The following CAND2 variants were observed in gnomAD, a reference collection of about 807,000 sequenced individuals.
CAND2 encodes cullin associated and neddylation dissociated 2 (putative).
Under a neutral mutation model 98.9 loss-of-function variants are expected in CAND2, and 62 were observed. The observed-to-expected ratio is 0.63, with a 90% confidence interval of 0.51 to 0.77. The LOEUF (loss-of-function observed/expected upper bound fraction) is 0.77. Ranked by LOEUF, CAND2 falls within the 30% of genes least tolerant of loss-of-function variation. CAND2 has a pLI of 0.00. For missense variants in CAND2, 1,501 were observed against 1,655.2 expected, an observed-to-expected ratio of 0.91 and a Z score of 1.62; for synonymous variants, 770 against 731.9, an observed-to-expected ratio of 1.05 and a Z score of -0.84.
chr3:12,815,921 GC>G lies in CAND2; in HGVS notation c.1357del (p.Arg453AlafsTer74). On this transcript the variant is annotated frameshift_variant, in exon 9 of 15. Transcript: ENST00000456430. LOFTEE classifies it high-confidence loss of function. This position sits in a 1 kb window ranked among gnomAD's most constrained non-coding sequence, Gnocchi z 5.7. ...QRQLKDRSVRARQGCFSLLTE... is the reference protein window; with the variant it reads ...QRQLKDRSVRXRQGCFSLLTE... ...GCAGCTTAAAGATCGGAGCGTCAGA[GC>G]CCGCCAGGGATGCTTCAGCCTCCTC... 1.2e-6 allele frequency: 2 copies of G among 1,613,778 alleles called. No individual in the cohort carries two copies. Among genetic ancestry groups the G allele is most frequent in the South Asian group, 1.1e-5 (1 of 91,076 alleles).
Position 12,816,866 on chromosome 3 carries a change from A to C in CAND2, c.1934A>C (p.Asp645Ala), listed in dbSNP as rs1575773070. ...GTGGCCGTATCCCCACTACAGCTTG[A>C]CCTACAGCCCATCCTGGCCGAGGCA... ...TLVAVSPLQL[D>A]LQPILAEALH... The change falls in exon 10 of 15, where the codon GAC (aspartate) becomes GCC (alanine). Residue 645 changes from aspartate (D) to alanine (A), a missense_variant. Coordinates refer to ENST00000456430, the MANE Select transcript of CAND2 (RefSeq NM_001162499.2). 1 of 1,613,626 alleles carries C rather than the reference A, an allele frequency of 6.2e-7. No individual in the cohort carries two copies. Among genetic ancestry groups the C allele is most frequent in the Non-Finnish European group, 8.5e-7 (1 of 1,179,988 alleles).
intron 4 of CAND2, 49 bp from the exon 5 acceptor site, chr3:12,810,010 A>T: frequency 7.2e-7 from 1 of 1,380,556 alleles, no homozygotes. Context: ...AGCCTGGCCC[A>T]GGTTGCCCGC....
rs377248232 is a variant in CAND2, at chr3:12,812,116, C to A, written c.758-874C>A. ...TAGAGATGGAGTTTCACCATGTTGG[C>A]CAAGCTGGTCTCGAACTCCTGACCT... On this transcript the variant is annotated intron_variant, in intron 5 of 14. Transcript: ENST00000456430. Among the ~76,000 whole-genome samples, 5 of 150,708 alleles carry A rather than the reference C, an allele frequency of 3.3e-5. 1 individual carries two copies. In the South Asian group the frequency reaches 1.1e-3, roughly 32 times the overall value.
chr3:12,812,770 T>C (rs113978645), intron 5 of CAND2, among the ~76,000 whole-genome samples: 3,473 of 152,332 alleles, frequency 0.023, 123 homozygotes, highest in African/African-American at 0.077. Context: ...TTGTGAAGAT[T>C]AGCTGACTAA....
At chr3:12,820,045 G>A in intron 10 of CAND2, 41 bp from the exon 11 acceptor site, 1 of 1,525,866 alleles carries the variant, frequency 6.6e-7, no homozygotes, top group Non-Finnish European at 9.1e-7. Context: ...CTCCAGGATT[G>A]GCCCCTGCCC....
At chr3:12,833,158 G>A (rs568432530) in intron 14 of CAND2, among the ~76,000 whole-genome samples, 9 of 152,308 alleles carry the variant, frequency 5.9e-5, no homozygotes, top group Middle Eastern at 6.8e-3. Context: ...GCATAATAAG[G>A]AACTTGAACT....
At chr3:12,829,787 A>G (rs1439536826) in intron 13 of CAND2, among the ~76,000 whole-genome samples, 2 of 152,238 alleles carry the variant, frequency 1.3e-5, no homozygotes, top group African/African-American at 4.8e-5. Context: ...AAATGGGATC[A>G]CACACATGCT....
In CAND2 at chr3:12,834,547, A is replaced by T. The variant is rs1243946242; in HGVS notation, c.*565A>T. On this transcript the variant is annotated 3_prime_UTR_variant, in exon 15 of 15. Transcript: ENST00000456430. ...TGATACGGGTTTCTTTTTTCCAGGG[A>T]GGAGGAATGGGTTGGGTAGGGAACT... 6.5e-6 allele frequency: 1 copy of T among 154,720 alleles called. No homozygotes were observed. Among genetic ancestry groups the T allele is most frequent in the Non-Finnish European group, 1.4e-5 (1 of 69,570 alleles). 9.6% of individuals were successfully genotyped at this position (154,720 alleles called of 1,614,324 possible).
chr3:12,808,353 G>C lies in CAND2; in HGVS notation c.491+20G>C, dbSNP rs1381409958. 3 of 1,550,892 alleles carry C rather than the reference G, an allele frequency of 1.9e-6. No homozygotes were observed. The highest frequency in any genetic ancestry group is 3.9e-5 in the Admixed American group (2 of 50,986). The stretch of plus-strand genomic sequence containing the variant: ...GAGCAGGTGTGGGAGGCCATCCTGG[G>C]TATTGAGGAAGAGTGGGTAAAAGGG... On this transcript the variant is annotated intron_variant, in intron 4 of 14. Transcript: ENST00000456430.
At chr3:12,798,167 T>G (rs1459432285) in intron 1 of CAND2, among the ~76,000 whole-genome samples, 13 of 152,126 alleles carry the variant, frequency 8.5e-5, no homozygotes, top group Non-Finnish European at 5.9e-5. Flanking sequence ...AGGCACTAGG[T>G]CGGTGCTTCA....
chr3:12,811,475 T>C (rs1270541116), intron 5 of CAND2, among the ~76,000 whole-genome samples: 1 of 152,252 alleles, frequency 6.6e-6, no homozygotes. Flanking sequence ...TCCAAGGACT[T>C]AAACCTAGTG....
rs1454316649 is a variant in CAND2 at position 12,815,060 on chromosome 3, C to T, written c.1007-81C>T. 7.0e-7 allele frequency: 1 copy of T among 1,420,070 alleles called. No individual in the cohort carries two copies. Among genetic ancestry groups the T allele is most frequent in the Non-Finnish European group, 9.7e-7 (1 of 1,033,798 alleles). 88.0% of individuals were successfully genotyped at this position (1,420,070 alleles called of 1,614,324 possible). ...AGTGAAGCACAGTGCCCAGCTCTCT[C>T]TCCTCCCTGTCCCTTCTCCCCCGAG... On this transcript the variant is annotated intron_variant, in intron 7 of 14. Transcript: ENST00000456430. The surrounding 1 kb of genome is among the most constrained non-coding windows in gnomAD (Gnocchi z 5.7).
chr3:12,822,194 G>A (rs1412143273), intron 11 of CAND2, among the ~76,000 whole-genome samples: 2 of 151,794 alleles, frequency 1.3e-5, no homozygotes, highest in African/African-American at 4.8e-5. Flanking sequence ...GAGACTCATG[G>A]CTTCTTCCCA....
Position 12,834,468 on chromosome 3 carries a change from A to G in CAND2, c.*486A>G, listed in dbSNP as rs993548815. ...AGATACTTGAGTTATTCACATTTTAAAATTCAAAACGGTTCATTTTTAAGT... is the reference window on the plus strand; with the variant it reads ...AGATACTTGAGTTATTCACATTTTAGAATTCAAAACGGTTCATTTTTAAGT... On this transcript the variant is annotated 3_prime_UTR_variant, in exon 15 of 15. Transcript: ENST00000456430. 6.4e-6 allele frequency: 1 copy of G among 156,344 alleles called. No individual in the cohort carries two copies. 9.7% of individuals were successfully genotyped at this position (156,344 alleles called of 1,614,324 possible). A position where few individuals can be genotyped will look rare whatever the true frequency, so the allele number is the denominator to read the frequency against.
At chr3:12,798,294 A>G (rs2061741623) in intron 1 of CAND2, among the ~76,000 whole-genome samples, 1 of 151,954 alleles carries the variant, frequency 6.6e-6, no homozygotes, top group African/African-American at 2.4e-5. Flanking sequence ...TTCATCTGAC[A>G]GCTCCTATAA....
chr3:12,816,039 T>A (rs1424802646), intron 9 of CAND2, 31 bp downstream of exon 9: 2 of 1,603,898 alleles, frequency 1.2e-6, no homozygotes, highest in Non-Finnish European at 1.7e-6. Flanking sequence ...GTATCTGCTG[T>A]TCTGGGCCAC....
Position 12,834,223 on chromosome 3 carries a change from G to T in CAND2, c.*241G>T. On this transcript the variant is annotated 3_prime_UTR_variant, in exon 15 of 15. Coordinates refer to ENST00000456430, the MANE Select transcript of CAND2 (RefSeq NM_001162499.2). The stretch of plus-strand genomic sequence containing the variant: ...CCTTAACTCAGGACAGTCATCCAAA[G>T]AAATAGGGTGAGGAAGTTTTCCAGT... 1 of 544,234 alleles carries T rather than the reference G, an allele frequency of 1.8e-6. No individual in the cohort carries two copies. Among genetic ancestry groups the T allele is most frequent in the Non-Finnish European group, 3.3e-6 (1 of 302,488 alleles). The allele number at this position is 544,234 out of a possible 1,614,324, so 33.7% of individuals were successfully genotyped here. A position where few individuals can be genotyped will look rare whatever the true frequency, so the allele number is the denominator to read the frequency against.
At chr3:12,818,746 T>C (rs1353481283) in intron 10 of CAND2, among the ~76,000 whole-genome samples, 1 of 152,248 alleles carries the variant, frequency 6.6e-6, no homozygotes, top group Admixed American at 6.5e-5. Flanking sequence ...AATCAAGAGC[T>C]GCTGTTGTTA....
chr3:12,833,386 AGCTGGT>A (rs1307431306), intron 14 of CAND2, among the ~76,000 whole-genome samples: 2 of 152,128 alleles, frequency 1.3e-5, no homozygotes, highest in Non-Finnish European at 2.9e-5. Flanking sequence ...TGGTGCTAAG[AGCTGGT>A]TTTAAGCACA....
Sources: gnomAD v4.1 joint callset for allele counts (sites outside exome capture counted in the v4.1 genomes callset) on GRCh38, gnomAD v4.1.1 for gene constraint, Gnocchi (gnomAD v3.1) non-coding constraint, MANE v1.5 for transcripts, NCBI Gene and HGNC (gene_info 2026-07-23, HGNC 2026-07-21) for gene names.